Variants in MICU1 observed in about 807,000 individuals in gnomAD.
The protein encoded by MICU1 is mitochondrial calcium uptake 1.
A neutral mutation model predicts 56.8 loss-of-function variants in MICU1; 45 were observed. The observed-to-expected ratio is 0.79, with a 90% CI of 0.62 to 1.02. MICU1 has a LOEUF of 1.02. Ranked by LOEUF, MICU1 falls within the 50% of genes least tolerant of loss-of-function variation. The probability of loss-of-function intolerance (pLI) is 0.00; values close to 1 mark genes in which losing one functional copy is unlikely to be tolerated. For synonymous variants in MICU1, 186 were observed against 195.1 expected (o/e 0.95, Z 0.39); for missense variants, 504 against 587.1 (o/e 0.86, Z 1.46).
intron 10 of MICU1, among the ~76,000 whole-genome samples, chr10:72,380,259 A>C (rs1371618631): frequency 6.6e-6 from 1 of 152,174 alleles, no homozygotes; most frequent in Admixed American, 6.5e-5. Flanking sequence ...ACCCCAGCGA[A>C]GGCCTAGCTT....
intron 6 of MICU1, among the ~76,000 whole-genome samples, chr10:72,490,344 T>C (rs188703628): frequency 6.6e-6 from 1 of 152,276 alleles, no homozygotes; most frequent in Admixed American, 6.5e-5. Flanking sequence ...AGACACAAGA[T>C]TTTGATGTCA....
At chr10:72,566,029 C>T (rs1309028092) in intron 2 of MICU1, among the ~76,000 whole-genome samples, 2 of 140,444 alleles carry the variant, frequency 1.4e-5, no homozygotes, top group Admixed American at 7.6e-5. Flanking sequence ...TCTCAGAAAG[C>T]ATTCATTTTC....
intron 5 of MICU1, among the ~76,000 whole-genome samples, chr10:72,527,665 G>A (rs994756469): frequency 1.3e-5 from 2 of 151,930 alleles, no homozygotes; most frequent in Non-Finnish European, 2.9e-5. Flanking sequence ...TTCTCAATCC[G>A]TAAAATGATG....
intron 5 of MICU1, chr10:72,523,906 T>G: frequency 6.6e-7 from 1 of 1,508,528 alleles, no homozygotes; most frequent in Non-Finnish European, 8.8e-7. Flanking sequence ...AAGTCATTGA[T>G]TAGCTCAGAA....
At chr10:72,586,920 C>G (rs1302290140) in intron 1 of MICU1, among the ~76,000 whole-genome samples, 2 of 152,282 alleles carry the variant, frequency 1.3e-5, no homozygotes, top group Middle Eastern at 3.4e-3. Context: ...GAAAATAACA[C>G]TGTGTGAAAA....
chr10:72,443,008 C>T (rs553837175), intron 8 of MICU1, among the ~76,000 whole-genome samples: 1 of 152,324 alleles, frequency 6.6e-6, no homozygotes, highest in Non-Finnish European at 1.5e-5. Flanking sequence ...CTGCCTGCCT[C>T]AGCCTCCCAA....
intron 6 of MICU1, among the ~76,000 whole-genome samples, chr10:72,485,899 GCACA>G (rs144168771): frequency 7.1e-6 from 1 of 141,330 alleles, no homozygotes; most frequent in Non-Finnish European, 1.6e-5. Flanking sequence ...ACACACACAC[GCACA>G]CACACACACA....
intron 8 of MICU1, among the ~76,000 whole-genome samples, chr10:72,466,722 T>G (rs1865804992): frequency 6.6e-6 from 1 of 152,196 alleles, no homozygotes; most frequent in African/African-American, 2.4e-5. Context: ...AGTGTTGGAT[T>G]GAAAGCCTTC....
At chr10:72,447,280 A>G (rs2132200197) in intron 8 of MICU1, among the ~76,000 whole-genome samples, 1 of 152,320 alleles carries the variant, frequency 6.6e-6, no homozygotes, top group East Asian at 1.9e-4. Context: ...GTCTCATAAT[A>G]ACCTTTGAAG....
chr10:72,617,201 A>G (rs1002843068), intron 1 of MICU1, among the ~76,000 whole-genome samples: 4 of 152,144 alleles, frequency 2.6e-5, no homozygotes, highest in African/African-American at 9.7e-5. Flanking sequence ...CTCAAATATT[A>G]TATCATTTCA....
intron 8 of MICU1, among the ~76,000 whole-genome samples, chr10:72,424,285 G>A (rs1864277084): frequency 6.6e-6 from 1 of 152,002 alleles, no homozygotes; most frequent in Non-Finnish European, 1.5e-5. Context: ...GCTAATTTTT[G>A]TATTTTTAGG....
intron 10 of MICU1, among the ~76,000 whole-genome samples, chr10:72,379,140 C>G (rs1862621718): frequency 6.6e-6 from 1 of 152,174 alleles, no homozygotes; most frequent in Non-Finnish European, 1.5e-5. Context: ...AAACTGTCCA[C>G]AGAAGGAACA....
In MICU1 at chr10:72,567,191, A is replaced by G. The variant is rs1840462161; in HGVS notation, c.-1-397T>C. ...TAGTAGGACCCCATCTCTACCAAAA[A>G]AAATCAGCCAAGCATGGTGACATGC... On this transcript the variant is annotated intron_variant, in intron 1 of 11. Coordinates refer to ENST00000361114, the MANE Select transcript of MICU1 (RefSeq NM_001195518.2). 2.0e-5 allele frequency among the ~76,000 whole-genome samples: 3 copies of G among 152,158 alleles called. No individual in the cohort carries two copies. In the South Asian group the frequency reaches 6.2e-4, roughly 32 times the overall value.
intron 4 of MICU1, among the ~76,000 whole-genome samples, chr10:72,547,858 G>C (rs1277729734): frequency 6.6e-6 from 1 of 152,056 alleles, no homozygotes; most frequent in East Asian, 1.9e-4. Flanking sequence ...AAGTGAAACA[G>C]GTCAGCAGAA....
At chr10:72,431,417 A>C (rs1864528170) in intron 8 of MICU1, among the ~76,000 whole-genome samples, 1 of 152,166 alleles carries the variant, frequency 6.6e-6, no homozygotes, top group African/African-American at 2.4e-5. Flanking sequence ...GGTGTAAGCC[A>C]TCGTGCCCAG....
At position 72,428,526 on chromosome 10, in the gene MICU1, C is replaced by T. The variant is rs1163285666; in HGVS notation, c.934-5155G>A. On this transcript the variant is annotated intron_variant, in intron 8 of 11. Transcript: ENST00000361114. ...ATGGGGTTTCACCAAGTTGGCCAGGCTGGTCTCGAACTCCTGACATCAGGT... is the reference window on the plus strand; with the variant it reads ...ATGGGGTTTCACCAAGTTGGCCAGGTTGGTCTCGAACTCCTGACATCAGGT... 4.6e-5 allele frequency among the ~76,000 whole-genome samples: 7 copies of T among 152,306 alleles called. No individual in the cohort carries two copies. In the East Asian group the frequency reaches 7.7e-4, roughly 17 times the overall value.
At chr10:72,623,227 C>T (rs773147459) in intron 1 of MICU1, among the ~76,000 whole-genome samples, 5 of 144,208 alleles carry the variant, frequency 3.5e-5, no homozygotes, top group Non-Finnish European at 6.0e-5. Context: ...GCCAAAATCG[C>T]GCCATTGCAC....
chr10:72,518,714 G>A lies in MICU1; in HGVS notation c.538-10445C>T, dbSNP rs191257002. Among the ~76,000 whole-genome samples the A allele has an allele frequency of 3.9e-3, 590 of 152,064 alleles. 5 individuals carry two copies. Among genetic ancestry groups the A allele is most frequent in the Middle Eastern group, 0.034 (10 of 294 alleles). ...TTTTTTCTCTTTGAGATGGAGCCTC[G>A]CTCTGTTGCCCAGGCTGAAGTGCAG... On this transcript the variant is annotated intron_variant, in intron 5 of 11. Transcript: ENST00000361114.
chr10:72,388,855 AAC>A (rs776368956), intron 10 of MICU1, among the ~76,000 whole-genome samples: 3 of 152,332 alleles, frequency 2.0e-5, no homozygotes, highest in Non-Finnish European at 2.9e-5. Context: ...ATGTGGAAAG[AAC>A]ACAGACTGGG....
Sources: allele counts gnomAD v4.1 joint callset (sites outside exome capture counted in the v4.1 genomes callset), GRCh38; gene constraint gnomAD v4.1.1; transcripts MANE v1.5; gene names NCBI Gene and HGNC (gene_info 2026-07-23, HGNC 2026-07-21).